Variants in UGP2 observed in about 807,000 individuals in gnomAD.
UGP2 encodes UDP-glucose pyrophosphorylase 2, also known as UTP--glucose-1-phosphate uridylyltransferase.
In UGP2, 40 loss-of-function variants were observed where a neutral mutation model predicts 49.0. That is an observed-to-expected ratio of 0.82 (90% CI 0.63 to 1.06). The LOEUF (loss-of-function observed/expected upper bound fraction) is 1.06. UGP2 is among the 50% of genes least tolerant of loss of function. UGP2 has a pLI of 0.00. For missense variants in UGP2, 460 were observed against 603.5 expected (o/e 0.76, Z 2.49); for synonymous variants, 225 against 213.0 (o/e 1.06, Z -0.49).
intron 3 of UGP2, among the ~76,000 whole-genome samples, chr2:63,861,332 T>TTACGAGGAAG (rs1669826941): frequency 6.6e-6 from 1 of 151,890 alleles, no homozygotes; most frequent in Non-Finnish European, 1.5e-5. Context: ...TAGATCAGAG[T>TTACGAGGAAG]TACGAGGAAG....
intron 3 of UGP2, among the ~76,000 whole-genome samples, chr2:63,871,659 T>C (rs1490185283): frequency 6.6e-6 from 1 of 152,222 alleles, no homozygotes; most frequent in African/African-American, 2.4e-5. Flanking sequence ...ACCAATTACA[T>C]ATTACTGGTT....
chr2:63,859,692 ATAAAT>A (rs1669701322), intron 3 of UGP2, among the ~76,000 whole-genome samples: 1 of 152,234 alleles, frequency 6.6e-6, no homozygotes. Flanking sequence ...GAAATATAAA[ATAAAT>A]TCTAGATGTA....
intron 8 of UGP2, chr2:63,889,349 G>A (rs1433140920): frequency 6.6e-6 from 1 of 151,986 alleles, no homozygotes; most frequent in Non-Finnish European, 1.5e-5. Flanking sequence ...ATGCAGTCAG[G>A]AGGGAAAAAA....
intron 3 of UGP2, among the ~76,000 whole-genome samples, chr2:63,864,450 T>C (rs898165775): frequency 6.6e-6 from 1 of 152,242 alleles, no homozygotes; most frequent in Non-Finnish European, 1.5e-5. Flanking sequence ...CAAACATTTA[T>C]TCAGCACTAA....
At chr2:63,886,229 CTG>C in intron 6 of UGP2, 110 bp from the exon 7 acceptor site, 1 of 1,067,982 alleles carries the variant, frequency 9.4e-7, no homozygotes, top group Non-Finnish European at 1.4e-6. Flanking sequence ...AAAATTTACT[CTG>C]TTTCTACATA....
chr2:63,862,440 T>C (rs1669913698), intron 3 of UGP2, among the ~76,000 whole-genome samples: 1 of 152,128 alleles, frequency 6.6e-6, no homozygotes, highest in Middle Eastern at 3.2e-3. Context: ...TTACCTTCCT[T>C]CACATTCCTT....
intron 3 of UGP2, among the ~76,000 whole-genome samples, chr2:63,861,389 G>C (rs1474893483): frequency 6.6e-6 from 1 of 152,020 alleles, no homozygotes; most frequent in Non-Finnish European, 1.5e-5. Context: ...GTTCTCTTGA[G>C]CGCTAATTTA....
intron 3 of UGP2, among the ~76,000 whole-genome samples, chr2:63,866,558 AG>A (rs1360086252): frequency 6.6e-6 from 1 of 152,196 alleles, no homozygotes; most frequent in Non-Finnish European, 1.5e-5. Context: ...CCAAAAAATC[AG>A]GGGTAGATAC....
At chr2:63,868,614 TCAGAGGATATG>T (rs1180768023) in intron 3 of UGP2, among the ~76,000 whole-genome samples, 1 of 152,214 alleles carries the variant, frequency 6.6e-6, no homozygotes, top group Non-Finnish European at 1.5e-5. Flanking sequence ...GGTGTTTTCT[TCAGAGGATATG>T]CACTTTTTAA....
In UGP2 at chr2:63,884,053, A is replaced by C. The variant is rs776249452; in HGVS notation, c.535A>C (p.Asn179His). ...EDTKKILQKYNHCRVKIYTFN... is the reference protein window; with the variant it reads ...EDTKKILQKYHHCRVKIYTFN... ...TACCAAAAAAATACTACAGAAGTAC[A>C]ATCATTGTCGTGTGAAAATCTACAC... Residue 179 changes from asparagine to histidine, a missense_variant, in exon 5 of 10, where the codon AAT (asparagine) becomes CAT (histidine). Coordinates refer to ENST00000337130, the MANE Select transcript of UGP2 (RefSeq NM_006759.4). The C allele has an allele frequency of 6.2e-7, 1 of 1,613,112 alleles. No individual in the cohort carries two copies. The highest frequency in any genetic ancestry group is 1.7e-5 in the Admixed American group (1 of 59,916).
intron 3 of UGP2, among the ~76,000 whole-genome samples, chr2:63,866,870 G>C (rs1379196027): frequency 6.6e-6 from 1 of 152,092 alleles, no homozygotes; most frequent in Non-Finnish European, 1.5e-5. Flanking sequence ...AAGCAAGTAG[G>C]GAGTAGCTGT....
intron 6 of UGP2, 22 bp from the exon 7 acceptor site, chr2:63,886,315 GCACT>G (rs897013763): frequency 8.1e-6 from 13 of 1,608,670 alleles, no homozygotes; most frequent in East Asian, 2.2e-5. Context: ...TGATGTGGAG[GCACT>G]CACTATTTTC....
intron 3 of UGP2, among the ~76,000 whole-genome samples, chr2:63,861,524 A>ATC (rs1553462845): frequency 1.4e-5 from 2 of 147,100 alleles, no homozygotes; most frequent in Non-Finnish European, 3.0e-5. Flanking sequence ...ACCTCTACAA[A>ATC]TTTTTTTTTT....
chr2:63,854,058 C>T lies in UGP2; in HGVS notation c.20-2248C>T, dbSNP rs191395172. ...GCGTCAAGGTTAAAGAGAGCCAGGC[C>T]AGGAAAAAAACATTAGCAAGGTATT... On this transcript the variant is annotated intron_variant, in intron 1 of 9. Coordinates refer to ENST00000337130, the MANE Select transcript of UGP2 (RefSeq NM_006759.4). Among the ~76,000 whole-genome samples, 6 of 152,098 alleles carry T rather than the reference C, an allele frequency of 3.9e-5. No individual in the cohort carries two copies. In the East Asian group the frequency reaches 1.2e-3, roughly 29 times the overall value.
intron 3 of UGP2, among the ~76,000 whole-genome samples, chr2:63,861,524 AT>A (rs538645691): frequency 7.2e-4 from 106 of 146,928 alleles, no homozygotes; most frequent in Admixed American, 7.5e-4. Flanking sequence ...ACCTCTACAA[AT>A]TTTTTTTTTT....
chr2:63,855,520 G>GTTTTTTTTTTTTTTTTTTTTTCTTT (rs1669342591), intron 1 of UGP2: 12 of 194,310 alleles, frequency 6.2e-5, no homozygotes, highest in Non-Finnish European at 8.9e-5. Flanking sequence ...TTCTTTTTCT[G>GTTTTTTTTTTTTTTTTTTTTTCTTT]TTTTTTTTTT....
rs1671571675 is a variant in UGP2 at position 63,841,905 on chromosome 2, C to CA, written c.-280dup. On this transcript the variant is annotated 5_prime_UTR_variant, in exon 1 of 10. Transcript: ENST00000337130. Reference sequence around the variant, plus strand: ...TGGTTTTACCTTTTCCGGGAGTCTCCAGCTGGCCCTCATTTGTGTCCGGAG... The same window carrying CA: ...TGGTTTTACCTTTTCCGGGAGTCTCCAAGCTGGCCCTCATTTGTGTCCGGAG... 2.6e-6 allele frequency: 1 copy of CA among 389,848 alleles called. No individual in the cohort carries two copies. The highest frequency in any genetic ancestry group is 6.2e-5 in the South Asian group (1 of 16,022). 24.1% of individuals were successfully genotyped at this position (389,848 alleles called of 1,614,324 possible).
chr2:63,881,540 G>T (rs1238466813), intron 3 of UGP2, among the ~76,000 whole-genome samples: 1 of 152,182 alleles, frequency 6.6e-6, no homozygotes, highest in African/African-American at 2.4e-5. Context: ...CAGCAAACAT[G>T]TCACATAAAT....
chr2:63,868,483 T>G (rs1379475200), intron 3 of UGP2, among the ~76,000 whole-genome samples: 1 of 152,206 alleles, frequency 6.6e-6, no homozygotes, highest in African/African-American at 2.4e-5. Context: ...CAGCTCCTGT[T>G]ACTTCTGGGG....
Sources: gnomAD v4.1 joint callset for allele counts (sites outside exome capture counted in the v4.1 genomes callset) on GRCh38, gnomAD v4.1.1 for gene constraint, MANE v1.5 for transcripts, NCBI Gene and HGNC (gene_info 2026-07-23, HGNC 2026-07-21) for gene names.